SORL1: variants seen among roughly 807,000 people sequenced by gnomAD.
SORL1 encodes the protein sortilin-related receptor.
SORL1 carries 127 observed loss-of-function variants against 273.7 expected under a neutral mutation model. The observed-to-expected ratio is 0.46, with a 90% CI of 0.40 to 0.54. The LOEUF is 0.54. Ranked by LOEUF, SORL1 falls within the 20% of genes least tolerant of loss-of-function variation. The probability of loss-of-function intolerance (pLI) is 0.00; values close to 1 mark genes in which losing one functional copy is unlikely to be tolerated. For synonymous variants in SORL1, 1,031 were observed against 1,067.4 expected, an observed-to-expected ratio of 0.97 and a Z score of 0.66; for missense variants, 2,494 against 2,846.1, an observed-to-expected ratio of 0.88 and a Z score of 2.81.
chr11:121,536,494 A>G (rs1591316289), intron 12 of SORL1, among the ~76,000 whole-genome samples: 1 of 137,112 alleles, frequency 7.3e-6, no homozygotes, highest in Non-Finnish European at 1.5e-5. Context: ...TCCTCTTCCC[A>G]GACTCAAGCG....
chr11:121,513,214 C>CCCTGAAGTCTAGAGA, intron 7 of SORL1, 110 bp downstream of exon 7: 1 of 814,972 alleles, frequency 1.2e-6, no homozygotes, highest in Non-Finnish European at 2.1e-6. Flanking sequence ...TATGGCGCCT[C>CCCTGAAGTCTAGAGA]CCTGAAGTCA....
Position 121,553,984 on chromosome 11 carries a change from T to C in SORL1, c.2314T>C (p.Tyr772His). The C allele has an allele frequency of 6.2e-7, 1 of 1,614,234 alleles. No homozygotes were observed. Among genetic ancestry groups the C allele is most frequent in the Non-Finnish European group, 8.5e-7 (1 of 1,180,018 alleles). Residue 772 changes from tyrosine to histidine, a missense_variant, in exon 17 of 48, where the codon TAT becomes CAT. Physicochemically the swap from Tyr to His is moderately conservative, Grantham distance 83 (BLOSUM62 2). This residue lies in a region of SORL1 where 710 missense variants were observed against 882.5 expected (regional missense o/e 0.80). Transcript: ENST00000260197. Reference protein sequence around the residue: ...LYAVRKSIYRYDLASGATEQL... With the variant: ...LYAVRKSIYRHDLASGATEQL... ...TGCTGTGAGGAAATCCATCTACCGC[T>C]ATGACCTGGCCTCGGGAGCCACCGA...
chr11:121,454,411 A>T (rs901885078), intron 1 of SORL1, among the ~76,000 whole-genome samples: 1 of 152,206 alleles, frequency 6.6e-6, no homozygotes, highest in South Asian at 2.1e-4. Context: ...TTGGTTTATG[A>T]AAAGCTCCAG....
At chr11:121,545,562 T>C in intron 14 of SORL1, 133 bp downstream of exon 14, 1 of 809,210 alleles carries the variant, frequency 1.2e-6, no homozygotes, top group Non-Finnish European at 1.9e-6. Flanking sequence ...TTGTGAAGCA[T>C]CTTTTATGTG....
At chr11:121,548,886 A>G (rs1173101271) in intron 14 of SORL1, among the ~76,000 whole-genome samples, 9 of 152,178 alleles carry the variant, frequency 5.9e-5, no homozygotes, top group Non-Finnish European at 1.5e-5. Flanking sequence ...GTTGAATTGA[A>G]TAGAGCAAAT....
intron 32 of SORL1, among the ~76,000 whole-genome samples, chr11:121,599,766 A>C (rs1229752486): frequency 1.4e-5 from 2 of 144,980 alleles, no homozygotes; most frequent in African/African-American, 2.7e-5. Flanking sequence ...CCTGCTGTGT[A>C]CTTTTTTTTT....
chr11:121,614,194 CAA>C (rs1288373135), intron 40 of SORL1: 2 of 152,114 alleles, frequency 1.3e-5, no homozygotes, highest in Admixed American at 1.3e-4. Flanking sequence ...ATTGAGAGAA[CAA>C]AAAGAGTGTA....
chr11:121,512,014 T>C lies in SORL1; in HGVS notation c.940-989T>C, dbSNP rs534444054. 2.6e-5 allele frequency among the ~76,000 whole-genome samples: 4 copies of C among 152,350 alleles called. No individual in the cohort carries two copies. The South Asian group carries it at 8.3e-4, about 32-fold the overall frequency. On this transcript the variant is annotated intron_variant, in intron 6 of 47. Coordinates refer to ENST00000260197, the MANE Select transcript of SORL1 (RefSeq NM_003105.6). The stretch of plus-strand genomic sequence containing the variant: ...GCCTCCCTGTGTCTTTCCTGATAGA[T>C]ATGCAACATTTGCCTTCAGCTTCTG...
intron 11 of SORL1, among the ~76,000 whole-genome samples, chr11:121,531,674 A>G (rs1431658216): frequency 6.6e-6 from 1 of 152,200 alleles, no homozygotes; most frequent in Admixed American, 6.5e-5. Context: ...CTCTCAGTTC[A>G]GTATGCTAAG....
At chr11:121,453,172 G>C (rs952039038) in intron 1 of SORL1, among the ~76,000 whole-genome samples, 16 of 152,108 alleles carry the variant, frequency 1.1e-4, no homozygotes, top group African/African-American at 3.9e-4. Flanking sequence ...GAGCGTGTGA[G>C]ATGCTCTCCA....
At position 121,589,997 on chromosome 11, in the gene SORL1, C is replaced by T. The variant is rs150253019; in HGVS notation, c.4079-43C>T. 5.0e-6 allele frequency: 8 copies of T among 1,606,356 alleles called. No individual in the cohort carries two copies. The African/African-American group carries it at 6.7e-5, about 13-fold the overall frequency. On this transcript the variant is annotated intron_variant, in intron 29 of 47. Coordinates refer to ENST00000260197, the MANE Select transcript of SORL1 (RefSeq NM_003105.6). ...CTAGAGTTGGAGCCCTGTGTTCACA[C>T]TGATGCAGGGAAAGCAACTGATGAT...
At chr11:121,532,686 ACT>A in intron 12 of SORL1, 134 bp downstream of exon 12, 1 of 703,280 alleles carries the variant, frequency 1.4e-6, no homozygotes, top group Non-Finnish European at 2.3e-6. Flanking sequence ...TATGAGTTAA[ACT>A]TTTTTTTTTT....
At chr11:121,492,359 T>C (rs1400300287) in intron 5 of SORL1, among the ~76,000 whole-genome samples, 1 of 152,036 alleles carries the variant, frequency 6.6e-6, no homozygotes, top group Non-Finnish European at 1.5e-5. Flanking sequence ...AGACACTGTC[T>C]CAATAAATAA....
chr11:121,531,676 T>C (rs11218322), intron 11 of SORL1, among the ~76,000 whole-genome samples: 17,311 of 152,268 alleles, frequency 0.11, 1,258 homozygotes, highest in African/African-American at 0.2. Context: ...CTCAGTTCAG[T>C]ATGCTAAGCC....
At chr11:121,463,233 A>G (rs1379240705) in intron 1 of SORL1, among the ~76,000 whole-genome samples, 1 of 150,622 alleles carries the variant, frequency 6.6e-6, no homozygotes, top group Non-Finnish European at 1.5e-5. Context: ...GTTCTCTGAG[A>G]TTCTTTCTGG....
At chr11:121,605,357 CA>C (rs1462963810) in intron 34 of SORL1, 44 bp from the exon 35 acceptor site, 1 of 1,589,422 alleles carries the variant, frequency 6.3e-7, no homozygotes, top group African/African-American at 1.3e-5. Context: ...CTCAGCCCCC[CA>C]TGCTGCTCCA....
intron 24 of SORL1, among the ~76,000 whole-genome samples, chr11:121,574,857 G>A (rs2134933949): frequency 6.6e-6 from 1 of 152,266 alleles, no homozygotes; most frequent in South Asian, 2.1e-4. Flanking sequence ...TGAATTCAGG[G>A]GGTTATTAAC....
chr11:121,520,989 A>G, intron 9 of SORL1, 140 bp downstream of exon 9: 2 of 501,010 alleles, frequency 4.0e-6, no homozygotes, highest in East Asian at 3.6e-5. Flanking sequence ...GCAGACTTCT[A>G]TTTGTGTTGC....
Position 121,549,915 on chromosome 11 carries a change from A to C in SORL1, c.2052-45A>C, listed in dbSNP as rs1282091041. ...GCAGAATTGGTACAGGAATGCCTGA[A>C]ATGTATAAAACCGTGGCCTTAACAA... On this transcript the variant is annotated intron_variant, in intron 14 of 47. Transcript: ENST00000260197. The C allele has an allele frequency of 2.5e-6, 4 of 1,598,712 alleles. No homozygotes were observed. In the African/African-American group the frequency reaches 5.4e-5, roughly 21 times the overall value.
Sources: gnomAD v4.1 joint callset for allele counts (sites outside exome capture counted in the v4.1 genomes callset) on GRCh38, gnomAD v4.1.1 for gene constraint, gnomAD v4.1.1 regional missense constraint, MANE v1.5 for transcripts, NCBI Gene and HGNC (gene_info 2026-07-23, HGNC 2026-07-21) for gene names.